SART3: variants seen among roughly 807,000 people sequenced by gnomAD.
The protein encoded by SART3 is spliceosome associated factor 3, U4/U6 recycling protein.
SART3 carries 44 observed loss-of-function variants against 122.3 expected under a neutral mutation model. That is an observed-to-expected ratio of 0.36 (90% CI 0.28 to 0.46). The LOEUF (loss-of-function observed/expected upper bound fraction) is 0.46. SART3 is among the 20% of genes least tolerant of loss of function. SART3 has a pLI of 1.00. For missense variants in SART3, 1,101 were observed against 1,229.0 expected, an observed-to-expected ratio of 0.90 and a Z score of 1.56; for synonymous variants, 442 against 454.0, an observed-to-expected ratio of 0.97 and a Z score of 0.34.
intron 1 of SART3, among the ~76,000 whole-genome samples, chr12:108,557,955 G>C (rs1297447397): frequency 6.6e-6 from 1 of 152,140 alleles, no homozygotes; most frequent in African/African-American, 2.4e-5. Context: ...CTTCAGCTCA[G>C]GAATTCAGCA....
In SART3 at chr12:108,543,020, A is replaced by G; in HGVS notation, c.906+8T>C. ...GAGACGTTTACTATAAAAGAAGCCAACACTTACCAGTGCTTCTTCATAGGG... is the reference window on the plus strand; with the variant it reads ...GAGACGTTTACTATAAAAGAAGCCAGCACTTACCAGTGCTTCTTCATAGGG... On this transcript the variant is annotated splice_region_variant and intron_variant, in intron 6 of 18. Transcript: ENST00000546815. 2.5e-6 allele frequency: 4 copies of G among 1,614,198 alleles called. No homozygotes were observed. The highest frequency in any genetic ancestry group is 1.3e-5 in the African/African-American group (1 of 75,064).
intron 12 of SART3, among the ~76,000 whole-genome samples, chr12:108,533,415 G>A (rs1200555467): frequency 1.4e-5 from 2 of 146,548 alleles, no homozygotes; most frequent in East Asian, 2.0e-4. Context: ...GCATATTACT[G>A]TTTGAGTTGC....
chr12:108,539,015 A>G lies in SART3; in HGVS notation c.981T>C (p.Ala327=). ...IDFEMKIGDP[A]RIQLIFERAL... is the part of the protein sequence containing the mutation. ...CGCGCTCAAAGATCAACTGAATGCG[A>G]GCAGGATCGCCAATTTTCATCTCAA... The change falls in exon 7 of 19, where the codon GCT becomes GCC. Residue 327 remains alanine (A), a synonymous_variant. Coordinates refer to ENST00000546815, the MANE Select transcript of SART3 (RefSeq NM_014706.4). 1 of 1,614,258 alleles carries G rather than the reference A, an allele frequency of 6.2e-7. No homozygotes were observed. Among genetic ancestry groups the G allele is most frequent in the Non-Finnish European group, 8.5e-7 (1 of 1,180,054 alleles).
intron 6 of SART3, among the ~76,000 whole-genome samples, chr12:108,540,067 G>A (rs1407685063): frequency 6.6e-6 from 1 of 152,136 alleles, no homozygotes; most frequent in Non-Finnish European, 1.5e-5. Flanking sequence ...GAAAAAAAGA[G>A]TCAAGAAGCC....
At chr12:108,547,554 CT>C (rs912404325) in intron 3 of SART3, among the ~76,000 whole-genome samples, 102 of 151,516 alleles carry the variant, frequency 6.7e-4, no homozygotes, top group Admixed American at 1.6e-3. Context: ...ATGTTTTAAT[CT>C]TTTTTTTTAA....
chr12:108,541,365 G>A (rs188874673), intron 6 of SART3, among the ~76,000 whole-genome samples: 1 of 151,918 alleles, frequency 6.6e-6, no homozygotes, highest in Non-Finnish European at 1.5e-5. Context: ...CCGAGATCAC[G>A]CCACTTCACT....
chr12:108,532,521 T>C (rs1021301243), intron 12 of SART3, 187 bp from the exon 13 acceptor site: 2 of 569,824 alleles, frequency 3.5e-6, no homozygotes, highest in Non-Finnish European at 3.2e-6. Flanking sequence ...TACGAAGTAT[T>C]TCCCTGAAGC....
At chr12:108,532,813 G>C (rs558526218) in intron 12 of SART3, among the ~76,000 whole-genome samples, 92 of 151,724 alleles carry the variant, frequency 6.1e-4, no homozygotes, top group Middle Eastern at 3.2e-3. Flanking sequence ...GAGTGCAATA[G>C]CACGATCTCG....
intron 2 of SART3, 49 bp from the exon 3 acceptor site, chr12:108,548,040 C>A: frequency 6.7e-7 from 1 of 1,494,624 alleles, no homozygotes; most frequent in South Asian, 1.1e-5. Context: ...GTAGGCTAAG[C>A]GCAGGGACTT....
At chr12:108,546,554 T>C (rs978150317) in intron 3 of SART3, among the ~76,000 whole-genome samples, 7 of 151,068 alleles carry the variant, frequency 4.6e-5, no homozygotes, top group African/African-American at 1.7e-4. Flanking sequence ...AGAGTCTCAC[T>C]TTGTCGCCAA....
At chr12:108,528,554 C>T (rs915551833) in intron 15 of SART3, among the ~76,000 whole-genome samples, 4 of 149,786 alleles carry the variant, frequency 2.7e-5, no homozygotes, top group African/African-American at 7.4e-5. Context: ...AGCAGTGGTG[C>T]GGGATGCTAG....
In SART3 at chr12:108,523,179, C is replaced by G; in HGVS notation, c.*278G>C. On this transcript the variant is annotated 3_prime_UTR_variant, in exon 19 of 19. Transcript: ENST00000546815. ...AAAACAGTGTGTTCTCGTTTCGCTT[C>G]TGTGCCTCAGTCTTTAAGATACAAA... 2 of 546,668 alleles carry G rather than the reference C, an allele frequency of 3.7e-6. No homozygotes were observed. Among genetic ancestry groups the G allele is most frequent in the South Asian group, 2.1e-5 (1 of 47,770 alleles). 33.9% of individuals were successfully genotyped at this position (546,668 alleles called of 1,614,324 possible). A position where few individuals can be genotyped will look rare whatever the true frequency, so the allele number is the denominator to read the frequency against.
chr12:108,544,656 T>G, intron 4 of SART3, 178 bp from the exon 5 acceptor site: 1 of 808,126 alleles, frequency 1.2e-6, no homozygotes. Context: ...AGCCTCACAC[T>G]CCAGGCTCAT....
At chr12:108,541,998 CTTTTTTTTTTTTTTT>C (rs55746158) in intron 6 of SART3, among the ~76,000 whole-genome samples, 1 of 68,062 alleles carries the variant, frequency 1.5e-5, no homozygotes, top group Non-Finnish European at 2.8e-5. Flanking sequence ...CCAAGCCCGG[CTTTTTTTTTTTTTTT>C]TTTTTTTTTT....
chr12:108,531,654 G>C (rs983771550), intron 13 of SART3: 3 of 271,674 alleles, frequency 1.1e-5, no homozygotes, highest in African/African-American at 6.7e-5. Context: ...AGTTCTGAGG[G>C]GTCCATACCC....
At chr12:108,559,923 G>C (rs531183085) in intron 1 of SART3, among the ~76,000 whole-genome samples, 2 of 152,270 alleles carry the variant, frequency 1.3e-5, no homozygotes, top group East Asian at 3.9e-4. Context: ...TGCTTCCCTT[G>C]AACAAAGTTA....
chr12:108,527,800 C>T (rs1872458368), intron 15 of SART3, among the ~76,000 whole-genome samples: 1 of 152,114 alleles, frequency 6.6e-6, no homozygotes, highest in Admixed American at 6.5e-5. Context: ...GTGTCTTGCT[C>T]TCTCTCCCAG....
At chr12:108,524,546 G>C in intron 17 of SART3, 40 bp from the exon 18 acceptor site, 1 of 1,595,322 alleles carries the variant, frequency 6.3e-7, no homozygotes, top group Non-Finnish European at 8.6e-7. Context: ...AGATCCCGCA[G>C]ACTAGGGACG....
chr12:108,561,165 T>A lies in SART3; in HGVS notation c.-11A>T. The A allele has an allele frequency of 6.2e-7, 1 of 1,612,224 alleles. No homozygotes were observed. Among genetic ancestry groups the A allele is most frequent in the East Asian group, 2.2e-5 (1 of 44,800 alleles). On this transcript the variant is annotated 5_prime_UTR_variant, in exon 1 of 19. Coordinates refer to ENST00000546815, the MANE Select transcript of SART3 (RefSeq NM_014706.4). ...GGCCGCAGTCGCCATCTTGCGCTTCTAATGACTCTCGGGTCTTCCCGCGGC... is the reference window on the plus strand; with the variant it reads ...GGCCGCAGTCGCCATCTTGCGCTTCAAATGACTCTCGGGTCTTCCCGCGGC...
Sources: gnomAD v4.1 joint callset for allele counts (sites outside exome capture counted in the v4.1 genomes callset) on GRCh38, gnomAD v4.1.1 for gene constraint, MANE v1.5 for transcripts, NCBI Gene and HGNC (gene_info 2026-07-23, HGNC 2026-07-21) for gene names.